The following EML6 variants were observed in gnomAD, a reference collection of about 807,000 sequenced individuals.
EML6 encodes the protein EMAP like 6.
In EML6, 154 loss-of-function variants were observed where a neutral mutation model predicts 240.1. The ratio of observed to expected loss-of-function variants is 0.64; its 90% CI spans 0.56 to 0.73. The LOEUF (loss-of-function observed/expected upper bound fraction) is 0.73. Ranked by LOEUF, EML6 falls within the 30% of genes least tolerant of loss-of-function variation. The pLI, the probability that EML6 is intolerant of heterozygous loss-of-function variation, is 0.00. For synonymous variants in EML6, 1,148 were observed against 899.0 expected (o/e 1.28, Z -4.95); for missense variants, 2,964 against 2,474.6 (o/e 1.20, Z -4.20).
intron 5 of EML6, among the ~76,000 whole-genome samples, chr2:54,824,902 C>G (rs1224095828): frequency 6.6e-6 from 1 of 152,112 alleles, no homozygotes; most frequent in Non-Finnish European, 1.5e-5. Context: ...GTGTTGCTAC[C>G]CTAAACTGCC....
chr2:54,736,148 G>A (rs147438409), intron 2 of EML6, among the ~76,000 whole-genome samples: 75 of 152,326 alleles, frequency 4.9e-4, no homozygotes, highest in African/African-American at 1.7e-3. Flanking sequence ...TAAGTGGGCT[G>A]GAGCTAGATA....
In EML6 at chr2:54,810,243, TGTG is replaced by T. The variant is rs773493562; in HGVS notation, c.198-2986_198-2984del. 5.5e-4 allele frequency among the ~76,000 whole-genome samples: 84 copies of T among 152,284 alleles called. 1 individual carries two copies. Among genetic ancestry groups the T allele is most frequent in the South Asian group, 2.1e-4 (1 of 4,826 alleles). ...ATTGCAATGTGAACTTTTTAGTAAA[TGTG>T]GTAAATTTATGGGCTTCAATATGAA... On this transcript the variant is annotated intron_variant, in intron 2 of 41. Transcript: ENST00000356458.
chr2:54,942,171 T>C (rs961002347), intron 28 of EML6, among the ~76,000 whole-genome samples: 1 of 152,218 alleles, frequency 6.6e-6, no homozygotes, highest in Non-Finnish European at 1.5e-5. Context: ...ATAGAATAGT[T>C]TCTTCACTTT....
At position 54,970,427 on chromosome 2, in the gene EML6, C is replaced by G. The variant is rs1676939823; in HGVS notation, c.*332C>G. 2 of 307,368 alleles carry G rather than the reference C, an allele frequency of 6.5e-6. No individual in the cohort carries two copies. Among genetic ancestry groups the G allele is most frequent in the East Asian group, 5.6e-5 (1 of 17,964 alleles). The allele number at this position is 307,368 out of a possible 1,614,324, so 19.0% of individuals were successfully genotyped here. On this transcript the variant is annotated 3_prime_UTR_variant, in exon 42 of 42. Transcript: ENST00000356458. ...GACGAATTTTGAAGCCTCGGTTACC[C>G]TAACCAATATGTAGCTTTTAATTTG... is the stretch of plus-strand genomic sequence containing the variant.
rs557958301 is a variant in EML6 at position 54,870,874 on chromosome 2, T to G, written c.2239-626T>G. 1.2e-4 allele frequency among the ~76,000 whole-genome samples: 18 copies of G among 152,274 alleles called. No individual in the cohort carries two copies. In the South Asian group the frequency reaches 3.1e-3, roughly 26 times the overall value. ...ATGGCTTTATCTCCCATTTTTCCTT[T>G]TAAAGTCATCACACCCAACAGGTTT... is the stretch of plus-strand genomic sequence containing the variant. On this transcript the variant is annotated intron_variant, in intron 15 of 41. Coordinates refer to ENST00000356458, the MANE Select transcript of EML6 (RefSeq NM_001039753.4).
chr2:54,825,400 A>G (rs903270788), intron 5 of EML6, among the ~76,000 whole-genome samples: 3 of 152,090 alleles, frequency 2.0e-5, no homozygotes, highest in Non-Finnish European at 4.4e-5. Context: ...ATTAAAAAAA[A>G]CTTTATTACA....
intron 7 of EML6, among the ~76,000 whole-genome samples, chr2:54,830,734 A>C (rs572313320): frequency 1.8e-4 from 28 of 152,340 alleles, no homozygotes; most frequent in African/African-American, 5.1e-4. Context: ...CCAACAGTTG[A>C]GCAACAGGGA....
intron 2 of EML6, among the ~76,000 whole-genome samples, chr2:54,750,549 C>G (rs1684113765): frequency 6.6e-6 from 1 of 152,180 alleles, no homozygotes; most frequent in Non-Finnish European, 1.5e-5. Context: ...CCTACAGGGA[C>G]TCAGATGACT....
At chr2:54,817,703 C>T (rs985152775) in intron 4 of EML6, among the ~76,000 whole-genome samples, 8 of 152,054 alleles carry the variant, frequency 5.3e-5, no homozygotes, top group African/African-American at 1.9e-4. Flanking sequence ...TTGTGTTGGG[C>T]CGCATTCACA....
chr2:54,892,393 C>T, intron 18 of EML6, 61 bp from the exon 19 acceptor site: 1 of 1,137,694 alleles, frequency 8.8e-7, no homozygotes, highest in Non-Finnish European at 1.3e-6. Flanking sequence ...AGTAGTCCTT[C>T]TACATGCTTA....
At chr2:54,755,960 C>T (rs1331984909) in intron 2 of EML6, among the ~76,000 whole-genome samples, 1 of 151,988 alleles carries the variant, frequency 6.6e-6, no homozygotes, top group South Asian at 2.1e-4. Context: ...GGTTAGGAAT[C>T]GGCAAATACC....
chr2:54,856,856 G>A (rs1670408660), intron 11 of EML6, among the ~76,000 whole-genome samples: 2 of 152,192 alleles, frequency 1.3e-5, no homozygotes, highest in Admixed American at 1.3e-4. Flanking sequence ...GTTAGGAAAA[G>A]GGAGGTTTCA....
intron 24 of EML6, among the ~76,000 whole-genome samples, chr2:54,904,008 C>T (rs140912755): frequency 2.6e-5 from 4 of 152,334 alleles, no homozygotes; most frequent in African/African-American, 9.6e-5. Context: ...TCCTCCAAGT[C>T]ATGCCCACAA....
chr2:54,910,704 A>C (rs1466191471), intron 24 of EML6, among the ~76,000 whole-genome samples: 1 of 152,186 alleles, frequency 6.6e-6, no homozygotes. Flanking sequence ...ATCAAGCTTT[A>C]TTCTTCTGTT....
In EML6 at chr2:54,725,721, A is replaced by ATCT. The variant is rs1413900946; in HGVS notation, c.197+466_197+468dup. On this transcript the variant is annotated intron_variant, in intron 2 of 41. Transcript: ENST00000356458. This position sits in a 1 kb window ranked among gnomAD's most constrained non-coding sequence, Gnocchi z 4.3. The stretch of plus-strand genomic sequence containing the variant: ...GAAATTTTACTACTGGTAATTTGGA[A>ATCT]TCTTCATCTCAGATGCTTTGGACCT... 6.6e-6 allele frequency among the ~76,000 whole-genome samples: 1 copy of ATCT among 152,352 alleles called. No individual in the cohort carries two copies. The highest frequency in any genetic ancestry group is 2.4e-5 in the African/African-American group (1 of 41,586).
At chr2:54,902,239 C>G (rs1202106625) in intron 22 of EML6, among the ~76,000 whole-genome samples, 1 of 152,198 alleles carries the variant, frequency 6.6e-6, no homozygotes, top group African/African-American at 2.4e-5. Flanking sequence ...AGCAAAGATA[C>G]TGGTCCTATT....
In EML6 at chr2:54,853,634, T is replaced by C. The variant is rs1229083687; in HGVS notation, c.1445-9T>C. On this transcript the variant is annotated splice_polypyrimidine_tract_variant and intron_variant, in intron 10 of 41. Transcript: ENST00000356458. The stretch of plus-strand genomic sequence containing the variant: ...ATTTAAATGTAATGTTAATATTGAT[T>C]ATTTTCAGCTGGGAAGCCTTTAACA... 6.7e-7 allele frequency: 1 copy of C among 1,492,520 alleles called. No homozygotes were observed. The highest frequency in any genetic ancestry group is 2.5e-5 in the East Asian group (1 of 40,182). The allele number at this position is 1,492,520 out of a possible 1,614,324, so 92.5% of individuals were successfully genotyped here.
chr2:54,824,886 AATG>A (rs765141087), intron 5 of EML6, among the ~76,000 whole-genome samples: 10 of 152,212 alleles, frequency 6.6e-5, no homozygotes, highest in Non-Finnish European at 1.5e-4. Context: ...ATGTGAATTT[AATG>A]ATGTGTTGCT....
chr2:54,948,229 G>A (rs983141041), intron 28 of EML6, among the ~76,000 whole-genome samples: 5 of 152,114 alleles, frequency 3.3e-5, no homozygotes, highest in Non-Finnish European at 5.9e-5. Flanking sequence ...ACCCCAAAAC[G>A]GAGGCGGGAA....
Sources: gnomAD v4.1 joint callset for allele counts (sites outside exome capture counted in the v4.1 genomes callset) on GRCh38, gnomAD v4.1.1 for gene constraint, Gnocchi (gnomAD v3.1) non-coding constraint, MANE v1.5 for transcripts, NCBI Gene and HGNC (gene_info 2026-07-23, HGNC 2026-07-21) for gene names.